RBFOX1: variants seen among roughly 807,000 people sequenced by gnomAD.
RBFOX1 encodes RNA binding protein fox-1 homolog 1.
In RBFOX1, 8 loss-of-function variants were observed where a neutral mutation model predicts 57.7. The ratio of observed to expected loss-of-function variants is 0.14; its 90% CI spans 0.08 to 0.25. RBFOX1 has a LOEUF of 0.25. Among genes scored for constraint, RBFOX1 ranks in the 10% least tolerant of loss-of-function variants. The pLI is 1.00. For synonymous variants in RBFOX1, 326 were observed against 222.4 expected (o/e 1.47, Z -4.15); for missense variants, 611 against 548.5 (o/e 1.11, Z -1.14).
intron 3 of RBFOX1, among the ~76,000 whole-genome samples, chr16:6,886,691 G>A (rs1393013314): frequency 6.6e-6 from 1 of 151,694 alleles, no homozygotes; most frequent in East Asian, 2.0e-4. Flanking sequence ...GCAGGCAGAG[G>A]TTGCACTAAA....
intron 3 of RBFOX1, among the ~76,000 whole-genome samples, chr16:6,913,359 A>C (rs942720233): frequency 6.6e-6 from 1 of 152,046 alleles, no homozygotes; most frequent in African/African-American, 2.4e-5. Context: ...CCCCCTTATG[A>C]GCGTGTTAGC....
chr16:6,100,763 G>A (rs2096296563), intron 1 of RBFOX1, among the ~76,000 whole-genome samples: 1 of 152,138 alleles, frequency 6.6e-6, no homozygotes, highest in African/African-American at 2.4e-5. Flanking sequence ...ACTTGCCCAG[G>A]TTAACAGTGT....
At chr16:7,289,106 T>C (rs1344233632) in intron 4 of RBFOX1, among the ~76,000 whole-genome samples, 1 of 152,202 alleles carries the variant, frequency 6.6e-6, no homozygotes, top group Non-Finnish European at 1.5e-5. Flanking sequence ...AGATCCTGCC[T>C]GCTGTATCAG....
At chr16:6,138,978 T>C (rs1263935706) in intron 1 of RBFOX1, among the ~76,000 whole-genome samples, 1 of 152,184 alleles carries the variant, frequency 6.6e-6, no homozygotes, top group Non-Finnish European at 1.5e-5. Flanking sequence ...CATACAAATG[T>C]GTGAACATCA....
chr16:5,274,740 C>A (rs748935639), intron 1 of RBFOX1, among the ~76,000 whole-genome samples: 3 of 152,200 alleles, frequency 2.0e-5, no homozygotes, highest in African/African-American at 7.2e-5. Context: ...CTCTCAGTCC[C>A]TTGCATAGGC....
chr16:5,298,135 G>A (rs1235190400), intron 1 of RBFOX1, among the ~76,000 whole-genome samples: 1 of 152,178 alleles, frequency 6.6e-6, no homozygotes, highest in African/African-American at 2.4e-5. Flanking sequence ...CCACACCTAA[G>A]TGCCCATTGA....
chr16:7,683,866 A>G (rs1026797691), intron 14 of RBFOX1, among the ~76,000 whole-genome samples: 1 of 152,138 alleles, frequency 6.6e-6, no homozygotes, highest in Admixed American at 6.6e-5. Context: ...ATTCTAGAAG[A>G]CAGTAATCCA....
At chr16:7,081,288 G>A (rs1205266316) in intron 4 of RBFOX1, among the ~76,000 whole-genome samples, 1 of 152,196 alleles carries the variant, frequency 6.6e-6, no homozygotes, top group East Asian at 1.9e-4. Flanking sequence ...ACCAGCCTTG[G>A]CCTCCCAAAG....
intron 5 of RBFOX1, among the ~76,000 whole-genome samples, chr16:7,563,774 A>G (rs1279547772): frequency 2.0e-5 from 3 of 152,172 alleles, no homozygotes; most frequent in South Asian, 2.1e-4. Context: ...ACTCTATTAT[A>G]TATTTTAACT....
At chr16:6,220,250 C>T (rs1008827803) in intron 1 of RBFOX1, among the ~76,000 whole-genome samples, 2 of 152,022 alleles carry the variant, frequency 1.3e-5, no homozygotes, top group African/African-American at 4.8e-5. Flanking sequence ...TTTCTCCATA[C>T]AAACAGACAC....
At chr16:6,900,555 C>G (rs1304171907) in intron 3 of RBFOX1, among the ~76,000 whole-genome samples, 2 of 152,186 alleles carry the variant, frequency 1.3e-5, no homozygotes, top group South Asian at 2.1e-4. Flanking sequence ...TCTCCCCTTA[C>G]TCATTATTTC....
chr16:5,803,148 C>T (rs958362643), intron 3 of RBFOX1, among the ~76,000 whole-genome samples: 1 of 152,104 alleles, frequency 6.6e-6, no homozygotes, highest in Non-Finnish European at 1.5e-5. Flanking sequence ...TGTATCCCTC[C>T]CCCCATCCAA....
At chr16:5,411,212 C>A (rs543187932) in intron 1 of RBFOX1, among the ~76,000 whole-genome samples, 2 of 152,324 alleles carry the variant, frequency 1.3e-5, no homozygotes, top group South Asian at 4.1e-4. Context: ...GCGAACAAGT[C>A]ACCTTGCATG....
At chr16:7,620,594 C>T (rs957269267) in intron 10 of RBFOX1, among the ~76,000 whole-genome samples, 3 of 152,200 alleles carry the variant, frequency 2.0e-5, no homozygotes, top group Non-Finnish European at 4.4e-5. Context: ...GAGGTTCTAG[C>T]TAACATCTTT....
At chr16:5,675,817 A>G (rs778291731) in intron 3 of RBFOX1, among the ~76,000 whole-genome samples, 1 of 152,142 alleles carries the variant, frequency 6.6e-6, no homozygotes, top group Admixed American at 6.5e-5. Flanking sequence ...AGCTCCTGGA[A>G]GTTGCAGCAG....
At chr16:6,265,209 C>T (rs868844024) in intron 1 of RBFOX1, among the ~76,000 whole-genome samples, 8 of 152,124 alleles carry the variant, frequency 5.3e-5, no homozygotes, top group African/African-American at 1.9e-4. Flanking sequence ...TGGTTACCCT[C>T]GGGCCTCTCC....
intron 4 of RBFOX1, among the ~76,000 whole-genome samples, chr16:5,975,800 T>G (rs1444576463): frequency 1.3e-5 from 2 of 152,332 alleles, no homozygotes; most frequent in East Asian, 1.9e-4. Context: ...AATGAGATAT[T>G]GAATGGCTAG....
Position 7,430,006 on chromosome 16 carries a change from A to G in RBFOX1, c.28-88141A>G, listed in dbSNP as rs367577691. 2.0e-3 allele frequency among the ~76,000 whole-genome samples: 297 copies of G among 152,258 alleles called. 13 individuals carry two copies. The South Asian group carries it at 0.059, about 30-fold the overall frequency. ...ATTGAGTTTCTCTTGGTCTAGGGCC[A>G]TTTGTCATCATAGTTTTTCCCCAGC... On this transcript the variant is annotated intron_variant, in intron 4 of 15. Coordinates refer to ENST00000550418, the MANE Select transcript of RBFOX1 (RefSeq NM_018723.4).
intron 4 of RBFOX1, among the ~76,000 whole-genome samples, chr16:7,462,821 T>C (rs1771910662): frequency 6.6e-6 from 1 of 152,206 alleles, no homozygotes; most frequent in Non-Finnish European, 1.5e-5. Flanking sequence ...CTCGAGTCTC[T>C]TTTTGCTTTG....
Sources: allele counts gnomAD v4.1 joint callset (sites outside exome capture counted in the v4.1 genomes callset), GRCh38; gene constraint gnomAD v4.1.1; transcripts MANE v1.5; gene names NCBI Gene and HGNC (gene_info 2026-07-23, HGNC 2026-07-21).